Variants in CAMK2D observed in about 807,000 individuals in gnomAD.
CAMK2D encodes the protein calcium/calmodulin dependent protein kinase II delta, also known as calcium/calmodulin-dependent protein kinase type II subunit delta.
CAMK2D carries 37 observed loss-of-function variants against 84.0 expected under a neutral mutation model. That is an observed-to-expected ratio of 0.44 (90% CI 0.34 to 0.58). The LOEUF is 0.58. CAMK2D is among the 20% of genes least tolerant of loss of function. CAMK2D has a pLI of 0.02. For missense variants in CAMK2D, 448 were observed against 652.5 expected (o/e 0.69, Z 3.41); for synonymous variants, 202 against 212.5 (o/e 0.95, Z 0.43).
At chr4:113,707,504 C>A (rs906085352) in intron 2 of CAMK2D, among the ~76,000 whole-genome samples, 1 of 152,076 alleles carries the variant, frequency 6.6e-6, no homozygotes, top group Non-Finnish European at 1.5e-5. Context: ...ATTTGGGTTA[C>A]TAAGGAAAAT....
In CAMK2D at chr4:113,753,720, G is replaced by A. The variant is rs963586634; in HGVS notation, c.160+5600C>T. On this transcript the variant is annotated intron_variant, in intron 2 of 20. Transcript: ENST00000511664. ...TACCATATGAATAACATAACATTTT[G>A]TTATAATCAGATATTTAAACTACTT... The A allele has an allele frequency of 7.7e-6, 6 of 782,382 alleles. 1 individual carries two copies. In the South Asian group the frequency reaches 2.4e-4, roughly 32 times the overall value. 48.5% of individuals were successfully genotyped at this position (782,382 alleles called of 1,614,324 possible).
intron 14 of CAMK2D, 92 bp downstream of exon 14, chr4:113,504,884 T>C (rs2098108936): frequency 4.7e-6 from 2 of 429,614 alleles, no homozygotes; most frequent in South Asian, 1.7e-4. Context: ...TATTTATATA[T>C]ATGTATCTAT....
chr4:113,495,163 C>T (rs1275658102), intron 16 of CAMK2D, among the ~76,000 whole-genome samples: 1 of 152,118 alleles, frequency 6.6e-6, no homozygotes, highest in Non-Finnish European at 1.5e-5. Flanking sequence ...CTTGGCTCCT[C>T]CCCCCAGTAA....
chr4:113,623,036 C>G (rs1017813167), intron 3 of CAMK2D, among the ~76,000 whole-genome samples: 1 of 152,076 alleles, frequency 6.6e-6, no homozygotes, highest in Non-Finnish European at 1.5e-5. Context: ...ACATGGCCCA[C>G]AAAGCCTAAA....
chr4:113,505,475 G>A (rs2098116804), intron 13 of CAMK2D, among the ~76,000 whole-genome samples: 1 of 151,968 alleles, frequency 6.6e-6, no homozygotes, highest in Non-Finnish European at 1.5e-5. Flanking sequence ...CTTTCTCTGG[G>A]GATCCAGCAT....
intron 3 of CAMK2D, among the ~76,000 whole-genome samples, chr4:113,616,204 C>A (rs1401204968): frequency 6.6e-6 from 1 of 151,978 alleles, no homozygotes; most frequent in Admixed American, 6.6e-5. Context: ...TTAAAATAAT[C>A]AAATGTAATT....
chr4:113,745,417 T>C (rs2099602040), intron 2 of CAMK2D, among the ~76,000 whole-genome samples: 1 of 152,212 alleles, frequency 6.6e-6, no homozygotes, highest in South Asian at 2.1e-4. Flanking sequence ...TTTCTTCTGA[T>C]ACTGAAGATA....
intron 2 of CAMK2D, among the ~76,000 whole-genome samples, chr4:113,726,948 C>G (rs953703659): frequency 1.3e-5 from 2 of 151,964 alleles, no homozygotes; most frequent in Admixed American, 6.6e-5. Context: ...CATGAGATAC[C>G]CTCTCTTAAC....
At chr4:113,585,604 A>G (rs1591564833) in intron 4 of CAMK2D, among the ~76,000 whole-genome samples, 2 of 152,118 alleles carry the variant, frequency 1.3e-5, no homozygotes, top group East Asian at 3.8e-4. Context: ...TAATGACTGA[A>G]TTAAATATGC....
At chr4:113,546,432 G>C (rs1414578248) in intron 6 of CAMK2D, among the ~76,000 whole-genome samples, 2 of 152,128 alleles carry the variant, frequency 1.3e-5, no homozygotes, top group African/African-American at 4.8e-5. Flanking sequence ...CCATACCTTT[G>C]CTTTTGATAT....
At chr4:113,569,682 C>T (rs2098743082) in intron 4 of CAMK2D, among the ~76,000 whole-genome samples, 1 of 152,144 alleles carries the variant, frequency 6.6e-6, no homozygotes, top group African/African-American at 2.4e-5. Flanking sequence ...AAACCATTAT[C>T]ATACAAGATC....
intron 4 of CAMK2D, among the ~76,000 whole-genome samples, chr4:113,597,896 G>A (rs74357012): frequency 0.04 from 6,087 of 152,212 alleles, 358 homozygotes; most frequent in East Asian, 0.19. Context: ...TCAGGGAATA[G>A]GAAGGCCTGA....
intron 3 of CAMK2D, among the ~76,000 whole-genome samples, chr4:113,658,291 GAT>G (rs1561648909): frequency 6.6e-6 from 1 of 152,102 alleles, no homozygotes; most frequent in Non-Finnish European, 1.5e-5. Flanking sequence ...ATTAAGGTAA[GAT>G]AAAATGAGAA....
At chr4:113,523,989 C>T (rs748436844) in intron 8 of CAMK2D, among the ~76,000 whole-genome samples, 5 of 152,000 alleles carry the variant, frequency 3.3e-5, no homozygotes, top group East Asian at 1.9e-4. Context: ...CTCAGCCTCT[C>T]GAGCAGAGTA....
chr4:113,605,443 A>G lies in CAMK2D; in HGVS notation c.275+3709T>C, dbSNP rs78517326. Among the ~76,000 whole-genome samples, 650 of 152,296 alleles carry G rather than the reference A, an allele frequency of 4.3e-3. 6 individuals carry two copies. Among genetic ancestry groups the G allele is most frequent in the African/African-American group, 0.015 (620 of 41,566 alleles). On this transcript the variant is annotated intron_variant, in intron 4 of 20. Coordinates refer to ENST00000511664, the MANE Select transcript of CAMK2D (RefSeq NM_001321571.2). The stretch of plus-strand genomic sequence containing the variant: ...TCTCATGCCCCAGGCACTGAACCTA[A>G]AAGGACAGAAAAAAGTGTTTCCTCC...
intron 2 of CAMK2D, chr4:113,754,910 T>C: frequency 1.0e-6 from 1 of 983,878 alleles, no homozygotes; most frequent in Non-Finnish European, 1.2e-6. Flanking sequence ...ATTTACTAAT[T>C]TTTTTCTTAA....
chr4:113,525,841 A>G (rs972714642), intron 8 of CAMK2D, among the ~76,000 whole-genome samples: 5 of 152,130 alleles, frequency 3.3e-5, no homozygotes, highest in Admixed American at 1.3e-4. Context: ...ACTCTTGAAA[A>G]TAAGTCACTA....
chr4:113,705,535 A>AAGCT (rs1362780884), intron 2 of CAMK2D, among the ~76,000 whole-genome samples: 1 of 152,140 alleles, frequency 6.6e-6, no homozygotes, highest in Admixed American at 6.5e-5. Flanking sequence ...GAGACAATGT[A>AAGCT]AGCTAGCTGG....
intron 12 of CAMK2D, among the ~76,000 whole-genome samples, chr4:113,511,447 T>G (rs1228218401): frequency 6.6e-6 from 1 of 152,164 alleles, no homozygotes; most frequent in African/African-American, 2.4e-5. Context: ...CATACATTAA[T>G]AAAGGCCCAA....
Sources: allele counts gnomAD v4.1 joint callset (sites outside exome capture counted in the v4.1 genomes callset), GRCh38; gene constraint gnomAD v4.1.1; transcripts MANE v1.5; gene names NCBI Gene and HGNC (gene_info 2026-07-23, HGNC 2026-07-21).